The following RANBP17 variants were observed in gnomAD, a reference collection of about 807,000 sequenced individuals.
RANBP17 encodes the protein RAN binding protein 17, also known as ran-binding protein 17.
Under a neutral mutation model 141.2 loss-of-function variants are expected in RANBP17, and 158 were observed. The ratio of observed to expected loss-of-function variants is 1.12; its 90% CI spans 0.98 to 1.28. RANBP17 has a LOEUF of 1.28. RANBP17 is among the 50% of genes most tolerant of loss of function. The pLI, the probability that RANBP17 is intolerant of heterozygous loss-of-function variation, is 0.00. For missense variants in RANBP17, 1,438 were observed against 1,290.7 expected, an observed-to-expected ratio of 1.11 and a Z score of -1.75; for synonymous variants, 430 against 450.0, an observed-to-expected ratio of 0.96 and a Z score of 0.56.
At chr5:171,156,705 C>T (rs1339285361) in intron 14 of RANBP17, among the ~76,000 whole-genome samples, 2 of 152,102 alleles carry the variant, frequency 1.3e-5, no homozygotes, top group Non-Finnish European at 2.9e-5. Context: ...TCTTTATTGC[C>T]TTGCCGCACT....
chr5:170,942,459 T>G (rs1774406553), intron 12 of RANBP17, among the ~76,000 whole-genome samples: 1 of 152,080 alleles, frequency 6.6e-6, no homozygotes, highest in African/African-American at 2.4e-5. Flanking sequence ...GTGTCAGAGA[T>G]AAGATGTTTA....
chr5:171,186,317 C>T (rs1323111879), intron 18 of RANBP17, among the ~76,000 whole-genome samples: 2 of 152,118 alleles, frequency 1.3e-5, no homozygotes, highest in Non-Finnish European at 2.9e-5. Context: ...GTATAACTCA[C>T]TGCAGCTTCT....
At position 170,983,598 on chromosome 5, in the gene RANBP17, G is replaced by A. The variant is rs537464496; in HGVS notation, c.1710+15221G>A. The stretch of plus-strand genomic sequence containing the variant: ...AATGAAAATAGTAAAAGAAATAGCC[G>A]AAAGAGTTGAAAATGGGTTGACTTG... On this transcript the variant is annotated intron_variant, in intron 14 of 27. Transcript: ENST00000523189. 1.8e-4 allele frequency among the ~76,000 whole-genome samples: 28 copies of A among 152,254 alleles called. No homozygotes were observed. In the South Asian group the frequency reaches 3.3e-3, roughly 18 times the overall value.
intron 14 of RANBP17, among the ~76,000 whole-genome samples, chr5:171,071,196 A>G (rs1488562480): frequency 6.6e-6 from 1 of 152,080 alleles, no homozygotes; most frequent in Non-Finnish European, 1.5e-5. Flanking sequence ...AAGTCTGGTA[A>G]CTGGAGGTAT....
intron 14 of RANBP17, among the ~76,000 whole-genome samples, chr5:171,039,071 C>A (rs114686312): frequency 0.013 from 1,945 of 151,982 alleles, 46 homozygotes; most frequent in African/African-American, 0.044. Context: ...AAAATGATTT[C>A]TTTTCTTTTG....
intron 12 of RANBP17, among the ~76,000 whole-genome samples, chr5:170,944,170 T>C (rs1198479094): frequency 2.0e-5 from 3 of 152,236 alleles, no homozygotes; most frequent in Non-Finnish European, 4.4e-5. Flanking sequence ...TTTTGAACAC[T>C]GTGAGTCTAA....
At chr5:170,915,804 C>G (rs1771902661) in intron 8 of RANBP17, among the ~76,000 whole-genome samples, 7 of 151,952 alleles carry the variant, frequency 4.6e-5, no homozygotes, top group Admixed American at 3.9e-4. Flanking sequence ...CCCAAACATA[C>G]TGTACCACAA....
At chr5:170,998,477 G>A (rs1053763889) in intron 14 of RANBP17, among the ~76,000 whole-genome samples, 1 of 152,152 alleles carries the variant, frequency 6.6e-6, no homozygotes, top group Admixed American at 6.6e-5. Flanking sequence ...CATTGTCACA[G>A]TATTTAAATG....
intron 13 of RANBP17, among the ~76,000 whole-genome samples, chr5:170,964,534 C>G (rs1468733519): frequency 6.6e-6 from 1 of 152,104 alleles, no homozygotes; most frequent in Non-Finnish European, 1.5e-5. Context: ...TCTCCTAATG[C>G]TATCCCTTCC....
chr5:170,934,617 A>G (rs543504379), intron 12 of RANBP17, among the ~76,000 whole-genome samples: 22 of 152,316 alleles, frequency 1.4e-4, no homozygotes, highest in African/African-American at 5.3e-4. Flanking sequence ...TTCTTGAAGA[A>G]TGTTGAATAT....
intron 24 of RANBP17, among the ~76,000 whole-genome samples, chr5:171,251,259 T>C (rs189662494): frequency 3.6e-4 from 55 of 152,136 alleles, no homozygotes; most frequent in Middle Eastern, 6.8e-3. Context: ...CAGCTTTTTT[T>C]TTTAGAGACA....
At position 171,115,345 on chromosome 5, in the gene RANBP17, A is replaced by G. The variant is rs537971369; in HGVS notation, c.1711-54785A>G. ...TTGAGATCTAATACAATGATAAAGT[A>G]TTTCATAAAACAATGACTATTCTAT... On this transcript the variant is annotated intron_variant, in intron 14 of 27. Transcript: ENST00000523189. 3.9e-5 allele frequency among the ~76,000 whole-genome samples: 6 copies of G among 152,320 alleles called. No homozygotes were observed. The South Asian group carries it at 1.0e-3, about 26-fold the overall frequency.
chr5:171,201,547 T>C (rs532221634), intron 19 of RANBP17, among the ~76,000 whole-genome samples: 2 of 152,378 alleles, frequency 1.3e-5, no homozygotes, highest in South Asian at 4.1e-4. Flanking sequence ...ATGCTCTTTA[T>C]TGCTGATCGT....
intron 14 of RANBP17, among the ~76,000 whole-genome samples, chr5:171,087,517 C>T (rs1581599145): frequency 6.6e-6 from 1 of 152,062 alleles, no homozygotes; most frequent in East Asian, 1.9e-4. Context: ...CCTGGATATC[C>T]TTGTTGACTT....
intron 14 of RANBP17, among the ~76,000 whole-genome samples, chr5:171,154,363 G>A (rs937968128): frequency 5.3e-5 from 8 of 151,628 alleles, no homozygotes; most frequent in Non-Finnish European, 7.4e-5. Flanking sequence ...TGCAAGCTCC[G>A]CCTCCCGAGT....
intron 5 of RANBP17, among the ~76,000 whole-genome samples, chr5:170,899,074 G>T (rs555610173): frequency 6.6e-6 from 1 of 152,308 alleles, no homozygotes; most frequent in South Asian, 2.1e-4. Context: ...GTGGTAGCTT[G>T]ATGAGGATAG....
At chr5:171,163,601 A>G (rs1366825360) in intron 14 of RANBP17, among the ~76,000 whole-genome samples, 1 of 152,284 alleles carries the variant, frequency 6.6e-6, no homozygotes, top group East Asian at 1.9e-4. Flanking sequence ...TGTGTTCCTA[A>G]ATTCTCTTCC....
intron 24 of RANBP17, among the ~76,000 whole-genome samples, chr5:171,260,900 C>T (rs1186063219): frequency 6.6e-6 from 1 of 151,886 alleles, no homozygotes; most frequent in Non-Finnish European, 1.5e-5. Context: ...CAACTAGGAA[C>T]TACTAGATCA....
rs1307440060 is a variant in RANBP17, at chr5:171,089,243, T to TG, written c.1711-80879dup. Among the ~76,000 whole-genome samples, 10 of 106,756 alleles carry TG rather than the reference T, an allele frequency of 9.4e-5. 1 individual carries two copies. The highest frequency in any genetic ancestry group is 9.0e-4 in the South Asian group (2 of 2,220). 70.0% of individuals were successfully genotyped at this position (106,756 alleles called of 152,430 possible). On this transcript the variant is annotated intron_variant, in intron 14 of 27. Coordinates refer to ENST00000523189, the MANE Select transcript of RANBP17 (RefSeq NM_022897.5). Reference sequence around the variant, plus strand: ...GTGTGAGGTGTCAGTGTGCCCCTGCTGGGGGGGGCCTCCCAGTTAGGCTGC... The same window carrying TG: ...GTGTGAGGTGTCAGTGTGCCCCTGCTGGGGGGGGGCCTCCCAGTTAGGCTGC...
Sources: allele counts gnomAD v4.1 joint callset (sites outside exome capture counted in the v4.1 genomes callset), GRCh38; gene constraint gnomAD v4.1.1; transcripts MANE v1.5; gene names NCBI Gene and HGNC (gene_info 2026-07-23, HGNC 2026-07-21).